The following STXBP5L variants were observed in gnomAD, a reference collection of about 807,000 sequenced individuals.
The protein encoded by STXBP5L is syntaxin-binding protein 5-like.
STXBP5L carries 65 observed loss-of-function variants against 144.5 expected under a neutral mutation model. The observed-to-expected ratio is 0.45, with a 90% CI of 0.37 to 0.55. The LOEUF is 0.55. Ranked by LOEUF, STXBP5L falls within the 20% of genes least tolerant of loss-of-function variation. The pLI is 0.00. For synonymous variants in STXBP5L, 505 were observed against 469.6 expected, an observed-to-expected ratio of 1.08 and a Z score of -0.97; for missense variants, 1,298 against 1,405.5, an observed-to-expected ratio of 0.92 and a Z score of 1.22.
Position 121,013,630 on chromosome 3 carries a change from C to G in STXBP5L, c.288-28070C>G, listed in dbSNP as rs150801009. On this transcript the variant is annotated intron_variant, in intron 3 of 26. Transcript: ENST00000471454. ...CCATTCTGTAGGTCATTTGTTTACT[C>G]TGTTGATAGTTTCTTTTGCTGTATG... Among the ~76,000 whole-genome samples the G allele has an allele frequency of 3.3e-5, 5 of 152,096 alleles. No homozygotes were observed. In the East Asian group the frequency reaches 7.7e-4, roughly 23 times the overall value.
rs1393342486 is a variant in STXBP5L, at chr3:121,420,019, T to C, written c.*922T>C. The C allele has an allele frequency of 2.6e-5, 4 of 152,340 alleles. No homozygotes were observed. Among genetic ancestry groups the C allele is most frequent in the Admixed American group, 6.5e-5 (1 of 15,300 alleles). The allele number at this position is 152,340 out of a possible 1,614,324, so 9.4% of individuals were successfully genotyped here. A position where few individuals can be genotyped will look rare whatever the true frequency, so the allele number is the denominator to read the frequency against. On this transcript the variant is annotated 3_prime_UTR_variant, in exon 27 of 27. Transcript: ENST00000471454. ...ACCCCAATTTCAGCTTCTAAAGTGA[T>C]ATATTTTAAAAGCTTCATTTGTATC...
chr3:121,186,389 G>C (rs1047758581), intron 9 of STXBP5L, among the ~76,000 whole-genome samples: 1 of 152,108 alleles, frequency 6.6e-6, no homozygotes, highest in Non-Finnish European at 1.5e-5. Flanking sequence ...TTCAAAGGGA[G>C]TGCTTCCAGT....
intron 23 of STXBP5L, among the ~76,000 whole-genome samples, chr3:121,412,549 TC>T (rs2047136195): frequency 6.6e-6 from 1 of 151,842 alleles, no homozygotes; most frequent in Non-Finnish European, 1.5e-5. Flanking sequence ...AAGCATAACA[TC>T]CAGGTTAATT....
intron 18 of STXBP5L, among the ~76,000 whole-genome samples, chr3:121,265,333 G>GCT: frequency 6.6e-6 from 1 of 152,036 alleles, no homozygotes; most frequent in Non-Finnish European, 1.5e-5. Flanking sequence ...TCAAAACCAT[G>GCT]CAACTACATG....
At chr3:121,400,023 C>T (rs1176601446) in intron 22 of STXBP5L, among the ~76,000 whole-genome samples, 3 of 152,236 alleles carry the variant, frequency 2.0e-5, no homozygotes, top group African/African-American at 7.2e-5. Context: ...TGTGCTGAGT[C>T]TACAAAAATG....
chr3:121,171,953 AC>A (rs1318845042), intron 9 of STXBP5L, among the ~76,000 whole-genome samples: 1 of 152,230 alleles, frequency 6.6e-6, no homozygotes, highest in East Asian at 1.9e-4. Flanking sequence ...TTCAAACTAT[AC>A]TACAAGGCTA....
At chr3:121,377,024 CTGTT>C (rs767733096) in intron 20 of STXBP5L, among the ~76,000 whole-genome samples, 12 of 152,098 alleles carry the variant, frequency 7.9e-5, no homozygotes, top group African/African-American at 9.7e-5. Context: ...ATTTGGCTGT[CTGTT>C]TGTCTATTAT....
intron 9 of STXBP5L, among the ~76,000 whole-genome samples, chr3:121,159,565 A>G (rs964437564): frequency 1.3e-5 from 2 of 151,872 alleles, no homozygotes; most frequent in Non-Finnish European, 2.9e-5. Context: ...GATTTGCTTT[A>G]TAATCAGTGC....
chr3:121,055,153 TAAG>T (rs1948361671), intron 5 of STXBP5L, among the ~76,000 whole-genome samples: 1 of 152,208 alleles, frequency 6.6e-6, no homozygotes, highest in South Asian at 2.1e-4. Context: ...ATTTATCTCT[TAAG>T]AAAGATACAT....
At chr3:121,041,845 G>T (rs895618299) in intron 4 of STXBP5L, 64 bp downstream of exon 4, 4 of 1,079,370 alleles carry the variant, frequency 3.7e-6, no homozygotes. Flanking sequence ...ATCAGTTAAT[G>T]TAATCTTTTA....
chr3:121,393,939 AT>A, intron 22 of STXBP5L, among the ~76,000 whole-genome samples: 1 of 152,082 alleles, frequency 6.6e-6, no homozygotes, highest in Non-Finnish European at 1.5e-5. Context: ...GAATTTTAGA[AT>A]TATTTTTTCT....
intron 10 of STXBP5L, among the ~76,000 whole-genome samples, chr3:121,207,840 C>T (rs1016644003): frequency 6.6e-6 from 1 of 152,066 alleles, no homozygotes; most frequent in African/African-American, 2.4e-5. Flanking sequence ...AAAGCAGGTA[C>T]TGGAGAGGAT....
At chr3:121,117,434 G>A (rs1006700294) in intron 6 of STXBP5L, among the ~76,000 whole-genome samples, 1 of 151,702 alleles carries the variant, frequency 6.6e-6, no homozygotes, top group Non-Finnish European at 1.5e-5. Flanking sequence ...CACTGTGACA[G>A]ATAACATTTT....
chr3:120,919,988 C>T (rs1709284972), intron 2 of STXBP5L, among the ~76,000 whole-genome samples: 1 of 151,346 alleles, frequency 6.6e-6, no homozygotes, highest in Non-Finnish European at 1.5e-5. Flanking sequence ...ATATCTTTCT[C>T]TTTGTCCTTA....
chr3:121,364,230 G>T (rs1406598117), intron 20 of STXBP5L, among the ~76,000 whole-genome samples: 4 of 152,120 alleles, frequency 2.6e-5, no homozygotes, highest in Admixed American at 1.3e-4. Context: ...AACTCAATGG[G>T]CTCAGTATCC....
intron 9 of STXBP5L, among the ~76,000 whole-genome samples, chr3:121,171,310 C>A (rs1330218801): frequency 6.6e-6 from 1 of 152,148 alleles, no homozygotes; most frequent in Non-Finnish European, 1.5e-5. Flanking sequence ...ACAAGGATGG[C>A]ATCTCTCACC....
Position 121,265,160 on chromosome 3 carries a change from A to G in STXBP5L, c.1958+5992A>G, listed in dbSNP as rs143308896. Among the ~76,000 whole-genome samples, 437 of 152,238 alleles carry G rather than the reference A, an allele frequency of 2.9e-3. 2 individuals are homozygous for G. The highest frequency in any genetic ancestry group is 1.3e-3 in the Non-Finnish European group (87 of 67,974). ...CTACAGAACTCTCCACCCCACATCA[A>G]TGAATATACATTCTTCTCAGCACCA... On this transcript the variant is annotated intron_variant, in intron 18 of 26. Transcript: ENST00000471454.
chr3:121,027,503 T>C (rs1454481882), intron 3 of STXBP5L, among the ~76,000 whole-genome samples: 1 of 151,996 alleles, frequency 6.6e-6, no homozygotes, highest in Non-Finnish European at 1.5e-5. Context: ...GGGAAGAATT[T>C]GTTTTCCTTC....
chr3:120,913,362 C>T (rs928083305), intron 2 of STXBP5L, among the ~76,000 whole-genome samples: 3 of 151,896 alleles, frequency 2.0e-5, no homozygotes, highest in African/African-American at 7.2e-5. Flanking sequence ...GTCCTAGGCA[C>T]TTGCATTTTT....
Sources: gnomAD v4.1 joint callset for allele counts (sites outside exome capture counted in the v4.1 genomes callset) on GRCh38, gnomAD v4.1.1 for gene constraint, MANE v1.5 for transcripts, NCBI Gene and HGNC (gene_info 2026-07-23, HGNC 2026-07-21) for gene names.